ERBB4: variants seen among roughly 807,000 people sequenced by gnomAD.
The protein encoded by ERBB4 is receptor tyrosine-protein kinase erbB-4.
ERBB4 carries 42 observed loss-of-function variants against 158.0 expected under a neutral mutation model. The observed-to-expected ratio is 0.27, with a 90% confidence interval of 0.21 to 0.34. ERBB4 has a LOEUF of 0.34. Ranked by LOEUF, ERBB4 falls within the 10% of genes least tolerant of loss-of-function variation. The pLI, the probability that ERBB4 is intolerant of heterozygous loss-of-function variation, is 1.00. For missense variants in ERBB4, 1,333 were observed against 1,624.1 expected (o/e 0.82, Z 3.08); for synonymous variants, 583 against 558.7 (o/e 1.04, Z -0.61).
intron 4 of ERBB4, among the ~76,000 whole-genome samples, chr2:211,765,404 A>G (rs10180973): frequency 0.036 from 5,456 of 152,268 alleles, 305 homozygotes; most frequent in East Asian, 0.23. Context: ...ACCTCCTTAC[A>G]TATTTTAAAA....
intron 5 of ERBB4, among the ~76,000 whole-genome samples, chr2:211,737,182 G>A (rs1048495256): frequency 3.9e-5 from 6 of 152,108 alleles, no homozygotes; most frequent in Admixed American, 1.3e-4. Context: ...GTGAATGCTT[G>A]ACATCCCTAT....
intron 20 of ERBB4, among the ~76,000 whole-genome samples, chr2:211,501,143 T>C (rs2065604422): frequency 6.6e-6 from 1 of 152,058 alleles, no homozygotes; most frequent in African/African-American, 2.4e-5. Flanking sequence ...GAAGCATTTA[T>C]ATACCTCATT....
chr2:211,776,557 T>C (rs1198335732), intron 4 of ERBB4, among the ~76,000 whole-genome samples: 2 of 152,198 alleles, frequency 1.3e-5, no homozygotes, highest in South Asian at 2.1e-4. Context: ...AAAACCTATC[T>C]GTTTATGAGG....
In ERBB4 at chr2:211,946,665, A is replaced by G. The variant is rs2080707399; in HGVS notation, c.421+765T>C. ...GAGCAATGGTGCGATCTCAATAAGC[A>G]GCTCATTTTGATTACAGGTATACAT... On this transcript the variant is annotated intron_variant, in intron 3 of 27. Coordinates refer to ENST00000342788, the MANE Select transcript of ERBB4 (RefSeq NM_005235.3). 3.7e-5 allele frequency among the ~76,000 whole-genome samples: 5 copies of G among 135,360 alleles called. No individual in the cohort carries two copies. The South Asian group carries it at 1.2e-3, about 32-fold the overall frequency. 88.8% of individuals were successfully genotyped at this position (135,360 alleles called of 152,430 possible). A position where few individuals can be genotyped will look rare whatever the true frequency, so the allele number is the denominator to read the frequency against.
At chr2:211,830,087 G>C (rs1321496710) in intron 3 of ERBB4, among the ~76,000 whole-genome samples, 4 of 152,068 alleles carry the variant, frequency 2.6e-5, no homozygotes, top group African/African-American at 9.7e-5. Context: ...CCTAACACTA[G>C]CACACTGCTC....
chr2:211,536,929 C>A (rs1235480314), intron 20 of ERBB4, among the ~76,000 whole-genome samples: 2 of 149,986 alleles, frequency 1.3e-5, no homozygotes, highest in African/African-American at 5.0e-5. Context: ...CAGGAAAAAA[C>A]AAAACAAAAC....
intron 3 of ERBB4, among the ~76,000 whole-genome samples, chr2:211,865,587 A>G (rs2078184012): frequency 1.3e-5 from 2 of 152,128 alleles, no homozygotes; most frequent in South Asian, 4.1e-4. Context: ...TCCCAGGTTC[A>G]AGTGATTCTC....
At chr2:212,515,914 T>A (rs1303014373) in intron 1 of ERBB4, among the ~76,000 whole-genome samples, 1 of 151,918 alleles carries the variant, frequency 6.6e-6, no homozygotes, top group Admixed American at 6.6e-5. Flanking sequence ...AAAGAGTAAT[T>A]AAAAATGAAA....
rs2106080844 is a variant in ERBB4 at position 211,712,086 on chromosome 2, T to C, written c.1088A>G (p.Asn363Ser). The C allele has an allele frequency of 6.2e-7, 1 of 1,612,436 alleles. No individual in the cohort carries two copies. The highest frequency in any genetic ancestry group is 8.5e-7 in the Non-Finnish European group (1 of 1,178,536). The change falls in exon 9 of 28, where the codon AAT becomes AGT. Residue 363 changes from asparagine to serine, a missense_variant. Coordinates refer to ENST00000342788, the MANE Select transcript of ERBB4 (RefSeq NM_005235.3). The part of the protein sequence containing the change: ...IDKFINCTKI[N>S]GNLIFLVTGI... ...AGTGACTAGAAAGATCAAATTCCCA[T>C]TGATCTTGGTACAGTTTATGAATTT... is the stretch of plus-strand genomic sequence containing the variant.
At chr2:211,915,477 ATTTTT>A (rs2079664405) in intron 3 of ERBB4, among the ~76,000 whole-genome samples, 1 of 149,668 alleles carries the variant, frequency 6.7e-6, no homozygotes, top group East Asian at 1.9e-4. Context: ...ATTATTAATT[ATTTTT>A]AAGACAACTT....
chr2:212,399,778 C>T (rs551649953), intron 1 of ERBB4, among the ~76,000 whole-genome samples: 1 of 150,694 alleles, frequency 6.6e-6, no homozygotes, highest in African/African-American at 2.4e-5. Flanking sequence ...GCTCAGGAGG[C>T]TGAGGCAGGA....
chr2:211,901,853 C>T (rs111592550), intron 3 of ERBB4, among the ~76,000 whole-genome samples: 4,858 of 152,090 alleles, frequency 0.032, 100 homozygotes, highest in South Asian at 0.058. Context: ...AAAAAATTTG[C>T]TTTTACATAA....
chr2:212,395,887 GATT>G (rs2106449114), intron 1 of ERBB4, among the ~76,000 whole-genome samples: 1 of 152,186 alleles, frequency 6.6e-6, no homozygotes, highest in East Asian at 1.9e-4. Flanking sequence ...AAAGTGATGG[GATT>G]ACAGGTGTGA....
chr2:211,380,211 A>G lies in ERBB4; in HGVS notation c.*3404T>C. ...TCTCATCCTAAGCTGTGCTACTAAT[A>G]CTATGCAGAAAACCAGGAGCTGCTT... On this transcript the variant is annotated 3_prime_UTR_variant, in exon 28 of 28. Coordinates refer to ENST00000342788, the MANE Select transcript of ERBB4 (RefSeq NM_005235.3). The G allele has an allele frequency of 4.3e-6, 1 of 232,358 alleles. No individual in the cohort carries two copies. Among genetic ancestry groups the G allele is most frequent in the East Asian group, 6.1e-5 (1 of 16,442 alleles). The allele number at this position is 232,358 out of a possible 1,614,324, so 14.4% of individuals were successfully genotyped here.
chr2:212,024,867 C>T (rs1197033805), intron 2 of ERBB4, among the ~76,000 whole-genome samples: 1 of 151,744 alleles, frequency 6.6e-6, no homozygotes, highest in Non-Finnish European at 1.5e-5. Flanking sequence ...AATGTAGTAA[C>T]CAAGGACCTT....
At chr2:212,051,558 G>A (rs2077400415) in intron 2 of ERBB4, among the ~76,000 whole-genome samples, 1 of 152,046 alleles carries the variant, frequency 6.6e-6, no homozygotes. Flanking sequence ...GAACTCAAAC[G>A]AGAAAGCAAA....
At chr2:212,218,454 C>A (rs75994960) in intron 1 of ERBB4, among the ~76,000 whole-genome samples, 1,901 of 151,286 alleles carry the variant, frequency 0.013, 48 homozygotes, top group African/African-American at 0.044. Flanking sequence ...TCCTTGCTTA[C>A]TATTAAGGAA....
intron 20 of ERBB4, among the ~76,000 whole-genome samples, chr2:211,510,029 C>T (rs1000190848): frequency 5.9e-5 from 9 of 152,102 alleles, no homozygotes; most frequent in African/African-American, 2.2e-4. Flanking sequence ...TGGAAAACAG[C>T]ACAGAGGTTT....
At chr2:211,871,593 G>A (rs990071286) in intron 3 of ERBB4, among the ~76,000 whole-genome samples, 10 of 151,388 alleles carry the variant, frequency 6.6e-5, no homozygotes, top group Admixed American at 2.0e-4. Flanking sequence ...CTATGTTCAC[G>A]TACTACATCT....
Sources: gnomAD v4.1 joint callset for allele counts (sites outside exome capture counted in the v4.1 genomes callset) on GRCh38, gnomAD v4.1.1 for gene constraint, MANE v1.5 for transcripts, NCBI Gene and HGNC (gene_info 2026-07-23, HGNC 2026-07-21) for gene names.